The following RGS7 variants were observed in gnomAD, a reference collection of about 807,000 sequenced individuals.
RGS7 encodes regulator of G protein signaling 7, also known as regulator of G-protein signaling 7.
A neutral mutation model predicts 81.1 loss-of-function variants in RGS7; 27 were observed. The observed-to-expected ratio is 0.33, with a 90% CI of 0.25 to 0.46. RGS7 has a LOEUF of 0.46. Among genes scored for constraint, RGS7 ranks in the 20% least tolerant of loss-of-function variants. The pLI, the probability that RGS7 is intolerant of heterozygous loss-of-function variation, is 1.00. For synonymous variants in RGS7, 208 were observed against 207.7 expected, an observed-to-expected ratio of 1.00 and a Z score of -0.01; for missense variants, 396 against 607.4, an observed-to-expected ratio of 0.65 and a Z score of 3.66.
chr1:241,178,808 G>A (rs1009030626), intron 2 of RGS7, among the ~76,000 whole-genome samples: 1 of 152,182 alleles, frequency 6.6e-6, no homozygotes, highest in African/African-American at 2.4e-5. Flanking sequence ...CTCAAGATGT[G>A]TGGGATTATA....
chr1:241,113,439 G>A (rs945610218), intron 2 of RGS7, among the ~76,000 whole-genome samples: 1 of 152,090 alleles, frequency 6.6e-6, no homozygotes, highest in African/African-American at 2.4e-5. Flanking sequence ...ATTTCTATGT[G>A]TCTCCACCAG....
intron 2 of RGS7, among the ~76,000 whole-genome samples, chr1:241,235,592 TC>T (rs2075888813): frequency 1.3e-5 from 2 of 151,962 alleles, no homozygotes; most frequent in Non-Finnish European, 2.9e-5. Context: ...TCTCTTTCTT[TC>T]TTCCTTTATT....
At chr1:240,984,317 G>A (rs1685349035) in intron 3 of RGS7, among the ~76,000 whole-genome samples, 2 of 152,142 alleles carry the variant, frequency 1.3e-5, no homozygotes, top group South Asian at 2.1e-4. Context: ...CAAGGCAGTC[G>A]ACATGTCTAC....
At chr1:240,976,723 ATCTCTATC>A (rs1369901573) in intron 4 of RGS7, among the ~76,000 whole-genome samples, 12 of 132,140 alleles carry the variant, frequency 9.1e-5, no homozygotes, top group Non-Finnish European at 2.0e-4. Flanking sequence ...ATTCCTCAAA[ATCTCTATC>A]TATCTATCTA....
At chr1:241,067,264 T>A (rs910167591) in intron 3 of RGS7, among the ~76,000 whole-genome samples, 8 of 152,178 alleles carry the variant, frequency 5.3e-5, no homozygotes, top group Admixed American at 5.2e-4. Context: ...GGATTGTGTC[T>A]GACTTAACTC....
intron 6 of RGS7, among the ~76,000 whole-genome samples, chr1:240,892,004 T>TG (rs1481606751): frequency 1.3e-5 from 2 of 152,186 alleles, no homozygotes; most frequent in Admixed American, 1.3e-4. Context: ...CCAGAGACTC[T>TG]GAGAGGACGG....
chr1:240,877,386 T>TA (rs1665610901), intron 6 of RGS7, among the ~76,000 whole-genome samples: 1 of 151,208 alleles, frequency 6.6e-6, no homozygotes, highest in African/African-American at 2.4e-5. Flanking sequence ...TCTGTCATTA[T>TA]TTGGTATATA....
At chr1:241,354,019 C>T (rs2083409387) in intron 2 of RGS7, among the ~76,000 whole-genome samples, 2 of 152,140 alleles carry the variant, frequency 1.3e-5, no homozygotes, top group African/African-American at 4.8e-5. Context: ...CCAATCTACT[C>T]AGTCCTTAAT....
chr1:240,958,573 C>T (rs765549368), intron 4 of RGS7, among the ~76,000 whole-genome samples: 8 of 152,232 alleles, frequency 5.3e-5, no homozygotes, highest in Non-Finnish European at 7.4e-5. Context: ...CTCTGCAGGA[C>T]GACTTTTATT....
rs370554557 is a variant in RGS7 at position 240,813,725 on chromosome 1, T to C, written c.849A>G (p.Leu283=). 5.0e-6 allele frequency: 8 copies of C among 1,598,042 alleles called. No individual in the cohort carries two copies. Among genetic ancestry groups the C allele is most frequent in the Non-Finnish European group, 6.9e-6 (8 of 1,165,292 alleles). Residue 283 remains leucine (L), a synonymous_variant, in exon 13 of 19, where the codon CTA becomes CTG. Coordinates refer to ENST00000440928, the MANE Select transcript of RGS7 (RefSeq NM_001364886.1). The part of the protein sequence containing the change: ...RLKMSKVADS[L]LSYTEQYLEY... ...CTAAATACTGTTCCGTGTAACTTAG[T>C]AGACTAAGGAGAAAAAACATTTCCA... is the stretch of plus-strand genomic sequence containing the variant.
chr1:241,318,506 G>A (rs561672566), intron 2 of RGS7, among the ~76,000 whole-genome samples: 24 of 151,870 alleles, frequency 1.6e-4, no homozygotes, highest in African/African-American at 5.8e-4. Context: ...GCCCAGGCTG[G>A]AGTGCAATGG....
chr1:241,221,006 A>AGAAAGGAAGG (rs1553289481), intron 2 of RGS7, among the ~76,000 whole-genome samples: 9 of 84,546 alleles, frequency 1.1e-4, no homozygotes, highest in African/African-American at 2.0e-4. Flanking sequence ...AGAGAGAGAG[A>AGAAAGGAAGG]AAGGAAGGAA....
intron 2 of RGS7, among the ~76,000 whole-genome samples, chr1:241,119,675 A>T (rs1307085615): frequency 6.6e-6 from 1 of 152,208 alleles, no homozygotes; most frequent in Non-Finnish European, 1.5e-5. Context: ...TGTTAATATC[A>T]CCACTGATAC....
At chr1:240,909,065 A>T (rs1671303791) in intron 6 of RGS7, among the ~76,000 whole-genome samples, 1 of 152,238 alleles carries the variant, frequency 6.6e-6, no homozygotes, top group Non-Finnish European at 1.5e-5. Flanking sequence ...TTGTGAATGC[A>T]CACGTCCTTG....
chr1:240,790,646 C>G (rs1685832481), intron 18 of RGS7, among the ~76,000 whole-genome samples: 1 of 152,126 alleles, frequency 6.6e-6, no homozygotes, highest in Non-Finnish European at 1.5e-5. Flanking sequence ...GAAGGGATTT[C>G]TAAGAGATGG....
chr1:240,875,706 C>A (rs1665288980), intron 6 of RGS7, among the ~76,000 whole-genome samples: 1 of 152,222 alleles, frequency 6.6e-6, no homozygotes. Context: ...TGTTACCTTT[C>A]ATCTTTTCAA....
At chr1:240,998,785 C>T (rs763893800) in intron 3 of RGS7, 118 of 675,776 alleles carry the variant, frequency 1.7e-4, no homozygotes, top group Non-Finnish European at 2.5e-4. Flanking sequence ...AGCTGGGAGA[C>T]GAAGGCCATG....
intron 3 of RGS7, among the ~76,000 whole-genome samples, chr1:241,073,249 C>T (rs1023772983): frequency 5.3e-5 from 8 of 152,180 alleles, no homozygotes; most frequent in Admixed American, 1.3e-4. Flanking sequence ...TACCACCTTT[C>T]GAACATTTCT....
chr1:240,787,948 A>G (rs1321640030), intron 18 of RGS7, among the ~76,000 whole-genome samples: 1 of 152,214 alleles, frequency 6.6e-6, no homozygotes, highest in Non-Finnish European at 1.5e-5. Flanking sequence ...TTTAAAAGTT[A>G]TAATATATGC....
Sources: gnomAD v4.1 joint callset for allele counts (sites outside exome capture counted in the v4.1 genomes callset) on GRCh38, gnomAD v4.1.1 for gene constraint, MANE v1.5 for transcripts, NCBI Gene and HGNC (gene_info 2026-07-23, HGNC 2026-07-21) for gene names.